Variants in NAALADL2 observed in about 807,000 individuals in gnomAD.
The protein encoded by NAALADL2 is inactive N-acetylated-alpha-linked acidic dipeptidase-like protein 2.
A neutral mutation model predicts 87.2 loss-of-function variants in NAALADL2; 76 were observed. The observed-to-expected ratio is 0.87, with a 90% CI of 0.72 to 1.05. The LOEUF is 1.05. Among genes scored for constraint, NAALADL2 ranks in the 50% least tolerant of loss-of-function variants. NAALADL2 has a pLI of 0.00. For synonymous variants in NAALADL2, 354 were observed against 331.0 expected (o/e 1.07, Z -0.75); for missense variants, 1,089 against 945.8 (o/e 1.15, Z -1.99).
intron 9 of NAALADL2, among the ~76,000 whole-genome samples, chr3:175,562,155 A>T (rs1173894476): frequency 1.3e-5 from 2 of 152,042 alleles, no homozygotes; most frequent in East Asian, 3.9e-4. Flanking sequence ...ACTTTTTTGG[A>T]CTCCCAGTAT....
chr3:175,341,491 A>G (rs1762563724), intron 5 of NAALADL2, among the ~76,000 whole-genome samples: 1 of 152,102 alleles, frequency 6.6e-6, no homozygotes. Context: ...GTGTGAACAT[A>G]TTATGCTTCT....
chr3:174,986,674 C>T (rs76240879), intron 1 of NAALADL2, among the ~76,000 whole-genome samples: 14,308 of 152,020 alleles, frequency 0.094, 1,573 homozygotes, highest in African/African-American at 0.26. Flanking sequence ...AGATGTATTC[C>T]AATTGCTGAT....
chr3:175,774,079 C>A (rs759672782), intron 13 of NAALADL2, among the ~76,000 whole-genome samples: 17 of 152,056 alleles, frequency 1.1e-4, no homozygotes, highest in Admixed American at 9.2e-4. Context: ...TAGTAGTATA[C>A]TTTGTGCTGC....
chr3:174,707,044 A>G (rs1560160424), intron 2 of NAALADL2, among the ~76,000 whole-genome samples: 2 of 152,198 alleles, frequency 1.3e-5, no homozygotes, highest in African/African-American at 2.4e-5. Context: ...ACATGAAAAA[A>G]TGCTCATCAT....
chr3:174,561,475 C>T (rs1245360141), intron 2 of NAALADL2, among the ~76,000 whole-genome samples: 1 of 152,122 alleles, frequency 6.6e-6, no homozygotes, highest in Non-Finnish European at 1.5e-5. Context: ...GCTGAGATTA[C>T]CGCCATGAGC....
chr3:175,763,001 A>G (rs574087173), intron 13 of NAALADL2, among the ~76,000 whole-genome samples: 6 of 152,164 alleles, frequency 3.9e-5, no homozygotes, highest in South Asian at 4.1e-4. Context: ...GGAGAATGGC[A>G]TGAACCCAGG....
intron 3 of NAALADL2, among the ~76,000 whole-genome samples, chr3:174,796,228 T>C (rs1455151599): frequency 2.0e-5 from 3 of 152,198 alleles, no homozygotes; most frequent in African/African-American, 7.2e-5. Context: ...TATTGGAATA[T>C]TTAAGAAAAT....
chr3:174,596,041 A>C (rs111869039), intron 2 of NAALADL2, among the ~76,000 whole-genome samples: 2 of 151,508 alleles, frequency 1.3e-5, no homozygotes, highest in African/African-American at 2.4e-5. Flanking sequence ...AACAAACAAA[A>C]ATAACAAAAC....
intron 2 of NAALADL2, among the ~76,000 whole-genome samples, chr3:175,232,192 G>GGAAGAA (rs66774766): frequency 6.7e-6 from 1 of 148,866 alleles, no homozygotes; most frequent in South Asian, 2.1e-4. Context: ...AAGAGGAAGA[G>GGAAGAA]GAAGAAGAAG....
chr3:175,279,770 C>T (rs1331863294), intron 4 of NAALADL2, among the ~76,000 whole-genome samples: 1 of 145,754 alleles, frequency 6.9e-6, no homozygotes, highest in African/African-American at 2.6e-5. Flanking sequence ...TGAATAAGAT[C>T]CTCTGCATAG....
At chr3:174,653,350 C>CT in intron 2 of NAALADL2, among the ~76,000 whole-genome samples, 1 of 152,148 alleles carries the variant, frequency 6.6e-6, no homozygotes, top group East Asian at 1.9e-4. Flanking sequence ...ACAAGTGCTT[C>CT]TTTTTTTGTG....
intron 5 of NAALADL2, among the ~76,000 whole-genome samples, chr3:175,327,148 C>CTCTTTTTTTTTTTTTTTTTTTTTTTT (rs1760811308): frequency 1.0e-5 from 1 of 99,514 alleles, no homozygotes; most frequent in African/African-American, 4.2e-5. Context: ...GTCTACATTT[C>CTCTTTTTTTTTTTTTTTTTTTTTTTT]TTTTTTTTTT....
intron 11 of NAALADL2, among the ~76,000 whole-genome samples, chr3:175,697,066 T>C (rs1290416244): frequency 6.6e-6 from 1 of 152,072 alleles, no homozygotes; most frequent in Non-Finnish European, 1.5e-5. Flanking sequence ...ATTCAAATCT[T>C]AGCACCCACT....
Position 175,296,755 on chromosome 3 carries a change from T to C in NAALADL2, c.940-27420T>C, listed in dbSNP as rs76335083. 6.4e-4 allele frequency among the ~76,000 whole-genome samples: 97 copies of C among 152,312 alleles called. 3 individuals are homozygous for C. In the East Asian group the frequency reaches 0.012, roughly 19 times the overall value. ...TGCTAAGTAATAACATTAAGTACAA[T>C]TAATTTTATTAAGAAATTGAGTGAG... On this transcript the variant is annotated intron_variant, in intron 4 of 13. Coordinates refer to ENST00000454872, the MANE Select transcript of NAALADL2 (RefSeq NM_207015.3).
chr3:175,600,741 G>A (rs1258762235), intron 10 of NAALADL2, among the ~76,000 whole-genome samples: 1 of 151,582 alleles, frequency 6.6e-6, no homozygotes, highest in African/African-American at 2.4e-5. Flanking sequence ...TTTTCACCGT[G>A]TTAGCCAGGA....
intron 1 of NAALADL2, among the ~76,000 whole-genome samples, chr3:174,469,569 C>A (rs1365922629): frequency 6.6e-6 from 1 of 152,068 alleles, no homozygotes; most frequent in Non-Finnish European, 1.5e-5. Flanking sequence ...GCTGGGACTA[C>A]AGGTACCCGC....
intron 11 of NAALADL2, among the ~76,000 whole-genome samples, chr3:175,644,047 C>T (rs574759038): frequency 6.6e-6 from 1 of 152,144 alleles, no homozygotes; most frequent in Admixed American, 6.5e-5. Flanking sequence ...ACTCTGATTG[C>T]TAATGAAGTT....
intron 3 of NAALADL2, among the ~76,000 whole-genome samples, chr3:174,784,438 G>A (rs11715797): frequency 0.55 from 82,984 of 151,984 alleles, 22,963 homozygotes; most frequent in Middle Eastern, 0.67. Context: ...ATATATATTT[G>A]TTTAAACAGA....
intron 1 of NAALADL2, among the ~76,000 whole-genome samples, chr3:174,932,140 G>A (rs12488801): frequency 0.17 from 25,701 of 152,064 alleles, 2,898 homozygotes; most frequent in East Asian, 0.46. Flanking sequence ...CATGTGGTGC[G>A]GCTTGCAGTG....
Sources: allele counts gnomAD v4.1 joint callset (sites outside exome capture counted in the v4.1 genomes callset), GRCh38; gene constraint gnomAD v4.1.1; transcripts MANE v1.5; gene names NCBI Gene and HGNC (gene_info 2026-07-23, HGNC 2026-07-21).